Variants in PKP4 observed in about 807,000 individuals in gnomAD.
PKP4 encodes plakophilin 4, also known as plakophilin-4.
PKP4 carries 90 observed loss-of-function variants against 145.1 expected under a neutral mutation model. The ratio of observed to expected loss-of-function variants is 0.62; its 90% CI spans 0.52 to 0.74. The LOEUF (loss-of-function observed/expected upper bound fraction) is 0.74, where lower values mean the gene tolerates loss of function less well. PKP4 is among the 30% of genes least tolerant of loss of function. The pLI is 0.00. For missense variants in PKP4, 1,340 were observed against 1,482.7 expected (o/e 0.90, Z 1.58); for synonymous variants, 563 against 577.2 (o/e 0.98, Z 0.35).
intron 4 of PKP4, among the ~76,000 whole-genome samples, chr2:158,611,910 C>G (rs2051182469): frequency 6.6e-6 from 1 of 152,052 alleles, no homozygotes; most frequent in African/African-American, 2.4e-5. Flanking sequence ...TTTAGCCACA[C>G]AGTCTTGACT....
intron 1 of PKP4, among the ~76,000 whole-genome samples, chr2:158,531,974 G>A (rs1408128683): frequency 6.6e-6 from 1 of 152,150 alleles, no homozygotes; most frequent in Non-Finnish European, 1.5e-5. Context: ...CTGAAACTTA[G>A]ACCCTCTCCA....
At chr2:158,606,574 A>C (rs1558876105) in intron 4 of PKP4, among the ~76,000 whole-genome samples, 1 of 152,224 alleles carries the variant, frequency 6.6e-6, no homozygotes, top group Non-Finnish European at 1.5e-5. Flanking sequence ...AAAAAGTACA[A>C]AAAGTGGATA....
At chr2:158,592,054 G>A (rs902597446) in intron 3 of PKP4, among the ~76,000 whole-genome samples, 23 of 152,038 alleles carry the variant, frequency 1.5e-4, no homozygotes, top group African/African-American at 5.6e-4. Context: ...ATCACACACT[G>A]TTTATCAAGA....
At chr2:158,609,851 TG>T (rs746426215) in intron 4 of PKP4, among the ~76,000 whole-genome samples, 2 of 152,140 alleles carry the variant, frequency 1.3e-5, no homozygotes. Flanking sequence ...GTTGAGGGGC[TG>T]GGGGCAGAAG....
intron 1 of PKP4, among the ~76,000 whole-genome samples, chr2:158,512,246 T>A (rs1057014306): frequency 1.3e-5 from 2 of 152,212 alleles, no homozygotes; most frequent in African/African-American, 2.4e-5. Context: ...GCACTTTAGG[T>A]GAAATGGAAA....
At chr2:158,600,683 T>C (rs1171895570) in intron 3 of PKP4, among the ~76,000 whole-genome samples, 1 of 152,244 alleles carries the variant, frequency 6.6e-6, no homozygotes, top group East Asian at 1.9e-4. Flanking sequence ...GAAAATAGGC[T>C]GTTATGAATA....
chr2:158,601,734 G>GCAC (rs2050249105), intron 3 of PKP4, among the ~76,000 whole-genome samples: 3 of 152,166 alleles, frequency 2.0e-5, no homozygotes, highest in African/African-American at 7.2e-5. Flanking sequence ...GTGAACTACT[G>GCAC]CACCTGTGAT....
chr2:158,642,781 G>A, intron 11 of PKP4, 82 bp downstream of exon 11: 1 of 985,270 alleles, frequency 1.0e-6, no homozygotes, highest in Non-Finnish European at 1.5e-6. Context: ...CACTATGGAA[G>A]AGTTGGAGGT....
intron 2 of PKP4, among the ~76,000 whole-genome samples, chr2:158,539,687 C>G (rs1011565342): frequency 6.6e-6 from 1 of 152,086 alleles, no homozygotes; most frequent in Admixed American, 6.6e-5. Flanking sequence ...GCATCTAACC[C>G]AAGATAAGAT....
intron 7 of PKP4, among the ~76,000 whole-genome samples, chr2:158,628,408 T>G (rs983112001): frequency 6.6e-6 from 1 of 152,212 alleles, no homozygotes; most frequent in African/African-American, 2.4e-5. Context: ...TTTACTGTAA[T>G]TTTTTAAAAT....
At chr2:158,637,656 C>G (rs1009646653) in intron 9 of PKP4, among the ~76,000 whole-genome samples, 2 of 152,240 alleles carry the variant, frequency 1.3e-5, no homozygotes. Context: ...TGTTTCCCTC[C>G]TCTCAAGGAT....
chr2:158,668,197 A>C (rs907039251), intron 16 of PKP4, among the ~76,000 whole-genome samples: 2 of 138,580 alleles, frequency 1.4e-5, no homozygotes, highest in African/African-American at 5.5e-5. Context: ...ACCTGGCTGG[A>C]GCACTCTTGA....
intron 3 of PKP4, among the ~76,000 whole-genome samples, chr2:158,585,035 G>C (rs895838219): frequency 3.9e-5 from 6 of 152,022 alleles, no homozygotes; most frequent in African/African-American, 1.4e-4. Context: ...TTTAAAAATT[G>C]GGCCTTTTAA....
At chr2:158,598,498 T>C (rs2049959303) in intron 3 of PKP4, among the ~76,000 whole-genome samples, 1 of 152,218 alleles carries the variant, frequency 6.6e-6, no homozygotes, top group East Asian at 1.9e-4. Flanking sequence ...CCGGGCGTGG[T>C]GGCTCACGCC....
chr2:158,525,866 A>G (rs1337795895), intron 1 of PKP4, among the ~76,000 whole-genome samples: 2 of 149,960 alleles, frequency 1.3e-5, no homozygotes, highest in African/African-American at 4.9e-5. Context: ...CTCTACGCAA[A>G]TAAACTAGAA....
chr2:158,648,364 AC>A (rs1383191858), intron 11 of PKP4, among the ~76,000 whole-genome samples: 1 of 152,234 alleles, frequency 6.6e-6, no homozygotes, highest in Admixed American at 6.5e-5. Flanking sequence ...AATAGTTGTA[AC>A]TAAGGAAGGG....
chr2:158,477,241 C>T (rs1692623987), intron 1 of PKP4, among the ~76,000 whole-genome samples: 1 of 146,542 alleles, frequency 6.8e-6, no homozygotes, highest in Non-Finnish European at 1.5e-5. Flanking sequence ...TTTCCTTTTA[C>T]AGGGGAAGAG....
rs1478191895 is a variant in PKP4 at position 158,545,085 on chromosome 2, T to TTTC, written c.132+11771_132+11772insCTT. On this transcript the variant is annotated intron_variant, in intron 2 of 21. Transcript: ENST00000389759. Reference sequence around the variant, plus strand: ...CCTAAGTCTTTCACTTTTTTTTTTTTTTTTTTTTTTTTTTGAGCCACTGGG... The same window carrying TTTC: ...CCTAAGTCTTTCACTTTTTTTTTTTTTTCTTTTTTTTTTTTTTGAGCCACTGGG... Among the ~76,000 whole-genome samples the TTTC allele has an allele frequency of 1.5e-3, 212 of 143,014 alleles. 6 individuals carry two copies. Among genetic ancestry groups the TTTC allele is most frequent in the African/African-American group, 5.3e-3 (203 of 38,436 alleles). 93.8% of individuals were successfully genotyped at this position (143,014 alleles called of 152,430 possible).
chr2:158,600,066 T>C (rs2050097314), intron 3 of PKP4, among the ~76,000 whole-genome samples: 1 of 152,184 alleles, frequency 6.6e-6, no homozygotes, highest in Admixed American at 6.5e-5. Flanking sequence ...TCATGTAATA[T>C]TATGATGAAG....
Sources: allele counts gnomAD v4.1 joint callset (sites outside exome capture counted in the v4.1 genomes callset), GRCh38; gene constraint gnomAD v4.1.1; transcripts MANE v1.5; gene names NCBI Gene and HGNC (gene_info 2026-07-23, HGNC 2026-07-21).